ASAP1: variants seen among roughly 807,000 people sequenced by gnomAD.
ASAP1 encodes arf-GAP with SH3 domain, ANK repeat and PH domain-containing protein 1.
ASAP1 carries 43 observed loss-of-function variants against 145.2 expected under a neutral mutation model. The observed-to-expected ratio is 0.30, with a 90% CI of 0.23 to 0.38. ASAP1 has a LOEUF of 0.38. Ranked by LOEUF, ASAP1 falls within the 10% of genes least tolerant of loss-of-function variation. ASAP1 has a pLI of 1.00. For missense variants in ASAP1, 1,018 were observed against 1,355.3 expected (o/e 0.75, Z 3.91); for synonymous variants, 546 against 515.5 (o/e 1.06, Z -0.80).
intron 3 of ASAP1, among the ~76,000 whole-genome samples, chr8:130,271,632 T>C (rs1335725251): frequency 1.3e-5 from 2 of 152,192 alleles, no homozygotes; most frequent in Non-Finnish European, 2.9e-5. Flanking sequence ...AGGAGTATGA[T>C]ACAAGCCCCA....
intron 1 of ASAP1, among the ~76,000 whole-genome samples, chr8:130,426,618 T>G (rs1202345194): frequency 6.6e-6 from 1 of 152,196 alleles, no homozygotes; most frequent in Non-Finnish European, 1.5e-5. Context: ...TGAGGTACCT[T>G]TAATGTGCCA....
intron 3 of ASAP1, among the ~76,000 whole-genome samples, chr8:130,322,729 C>T (rs1386982864): frequency 6.6e-6 from 1 of 152,214 alleles, no homozygotes; most frequent in Non-Finnish European, 1.5e-5. Context: ...GTATAGAACA[C>T]AGTCCTTACC....
At chr8:130,376,479 AC>A (rs1172490674) in intron 2 of ASAP1, among the ~76,000 whole-genome samples, 2 of 152,128 alleles carry the variant, frequency 1.3e-5, no homozygotes, top group African/African-American at 2.4e-5. Context: ...TGTAATCCCA[AC>A]ACTTTGGGAG....
At chr8:130,215,387 C>T (rs1030903934) in intron 4 of ASAP1, among the ~76,000 whole-genome samples, 6 of 151,996 alleles carry the variant, frequency 3.9e-5, no homozygotes, top group Non-Finnish European at 7.4e-5. Context: ...CGCTTGAGCC[C>T]AGGAGTTCAA....
At chr8:130,201,985 A>G (rs970424899) in intron 5 of ASAP1, among the ~76,000 whole-genome samples, 3 of 152,208 alleles carry the variant, frequency 2.0e-5, no homozygotes, top group African/African-American at 7.2e-5. Context: ...AGGGCTTACC[A>G]CGTACTAGGG....
intron 15 of ASAP1, among the ~76,000 whole-genome samples, chr8:130,133,379 G>A (rs552534131): frequency 1.8e-4 from 27 of 151,864 alleles, no homozygotes; most frequent in African/African-American, 4.6e-4. Context: ...CCCAGGGGCC[G>A]GGCGCGGTGG....
At chr8:130,231,291 G>A (rs546182602) in intron 4 of ASAP1, among the ~76,000 whole-genome samples, 1 of 152,288 alleles carries the variant, frequency 6.6e-6, no homozygotes, top group African/African-American at 2.4e-5. Context: ...TGTCTTCCTT[G>A]TAATGAAAAA....
At chr8:130,123,933 A>AT in intron 18 of ASAP1, 80 bp downstream of exon 18, 1 of 1,180,992 alleles carries the variant, frequency 8.5e-7, no homozygotes, top group Non-Finnish European at 1.2e-6. Context: ...CAGCCAAAAA[A>AT]AAAAAAAGAA....
chr8:130,286,257 G>A (rs961686910), intron 3 of ASAP1, among the ~76,000 whole-genome samples: 8 of 152,148 alleles, frequency 5.3e-5, no homozygotes, highest in Non-Finnish European at 1.0e-4. Flanking sequence ...AGGCTTTGGC[G>A]AAAACTGGGC....
intron 27 of ASAP1, among the ~76,000 whole-genome samples, chr8:130,063,805 C>T (rs1305123040): frequency 6.6e-6 from 1 of 152,164 alleles, no homozygotes; most frequent in Non-Finnish European, 1.5e-5. Context: ...TGGGCATGTG[C>T]CGTGCCCAGC....
intron 3 of ASAP1, among the ~76,000 whole-genome samples, chr8:130,341,589 C>T (rs1036790389): frequency 1.3e-5 from 2 of 152,178 alleles, no homozygotes; most frequent in Admixed American, 1.3e-4. Flanking sequence ...TATGTGTCAA[C>T]AGCCTGGCAC....
At chr8:130,120,633 C>T (rs1482357313) in intron 18 of ASAP1, among the ~76,000 whole-genome samples, 2 of 152,312 alleles carry the variant, frequency 1.3e-5, no homozygotes, top group South Asian at 2.1e-4. Flanking sequence ...GGAATGTCTG[C>T]AGGTGGCTTC....
intron 2 of ASAP1, among the ~76,000 whole-genome samples, chr8:130,368,516 A>G (rs1466066443): frequency 1.2e-4 from 19 of 152,140 alleles, no homozygotes; most frequent in Admixed American, 1.2e-3. Flanking sequence ...TACTTTCCCA[A>G]CTAAAGGGCT....
intron 3 of ASAP1, among the ~76,000 whole-genome samples, chr8:130,342,049 A>G (rs1213411123): frequency 6.6e-6 from 1 of 152,150 alleles, no homozygotes; most frequent in Non-Finnish European, 1.5e-5. Context: ...GAAACATGGG[A>G]GAGATTTCCT....
chr8:130,373,574 T>A lies in ASAP1; in HGVS notation c.60-15431A>T, dbSNP rs139401036. Among the ~76,000 whole-genome samples, 142 of 152,178 alleles carry A rather than the reference T, an allele frequency of 9.3e-4. 1 individual carries two copies. Among genetic ancestry groups the A allele is most frequent in the African/African-American group, 3.2e-3 (133 of 41,538 alleles). On this transcript the variant is annotated intron_variant, in intron 2 of 29. Transcript: ENST00000518721. ...ATTCAAAATAATAAACTTGGCCAGG[T>A]GCAGTGGCTCACGCCTGTTATCCCA...
At chr8:130,376,187 G>A (rs528151075) in intron 2 of ASAP1, among the ~76,000 whole-genome samples, 102 of 152,306 alleles carry the variant, frequency 6.7e-4, no homozygotes, top group African/African-American at 2.4e-3. Flanking sequence ...CACAGATAGG[G>A]CCTCCTAACC....
chr8:130,072,991 G>A (rs2097453130), intron 27 of ASAP1, among the ~76,000 whole-genome samples: 1 of 151,324 alleles, frequency 6.6e-6, no homozygotes. Flanking sequence ...CTTCTTCTGT[G>A]TTGATGATTG....
At chr8:130,109,027 G>A (rs968265626) in intron 24 of ASAP1, among the ~76,000 whole-genome samples, 2 of 151,900 alleles carry the variant, frequency 1.3e-5, no homozygotes, top group African/African-American at 4.8e-5. Flanking sequence ...CGGCCACCTC[G>A]GTCTCCCAAA....
chr8:130,070,838 A>G (rs868492922), intron 27 of ASAP1, among the ~76,000 whole-genome samples: 3 of 11,406 alleles, frequency 2.6e-4, no homozygotes, highest in African/African-American at 1.0e-3. Flanking sequence ...AGGGAGAGAG[A>G]GGGAGAGAGG....
Sources: allele counts gnomAD v4.1 joint callset (sites outside exome capture counted in the v4.1 genomes callset), GRCh38; gene constraint gnomAD v4.1.1; transcripts MANE v1.5; gene names NCBI Gene and HGNC (gene_info 2026-07-23, HGNC 2026-07-21).